SRGAP2: variants seen among roughly 807,000 people sequenced by gnomAD.
SRGAP2 encodes SLIT-ROBO Rho GTPase-activating protein 2.
A neutral mutation model predicts 57.2 loss-of-function variants in SRGAP2; 15 were observed. The observed-to-expected ratio is 0.26, with a 90% CI of 0.18 to 0.40. The LOEUF (loss-of-function observed/expected upper bound fraction) is 0.40. Ranked by LOEUF, SRGAP2 falls within the 10% of genes least tolerant of loss-of-function variation. SRGAP2 has a pLI of 1.00. For missense variants in SRGAP2, 520 were observed against 669.6 expected, an observed-to-expected ratio of 0.78 and a Z score of 2.47; for synonymous variants, 249 against 248.0, an observed-to-expected ratio of 1.00 and a Z score of -0.04.
chr1:206,427,276 C>G (rs1317283214), intron 13 of SRGAP2, among the ~76,000 whole-genome samples: 1 of 152,108 alleles, frequency 6.6e-6, no homozygotes, highest in African/African-American at 2.4e-5. Context: ...CATAGTGGAA[C>G]CCAGTTTCTT....
intron 10 of SRGAP2, among the ~76,000 whole-genome samples, chr1:206,414,029 C>CTTTTTTTTTTTTTTTTTT (rs201058533): frequency 1.4e-5 from 2 of 145,152 alleles, no homozygotes; most frequent in African/African-American, 2.7e-5. Flanking sequence ...TTTTCTTTTT[C>CTTTTTTTTTTTTTTTTTT]TTTCTTTTTT....
chr1:206,418,889 TG>T (rs1660017897), intron 11 of SRGAP2, among the ~76,000 whole-genome samples: 1 of 14,308 alleles, frequency 7.0e-5, no homozygotes, highest in Admixed American at 6.9e-4. Context: ...CAACTCTCTC[TG>T]TGTGTGTGTG....
At chr1:206,237,585 T>C (rs368560757) in intron 2 of SRGAP2, among the ~76,000 whole-genome samples, 2 of 152,296 alleles carry the variant, frequency 1.3e-5, no homozygotes, top group South Asian at 2.1e-4. Flanking sequence ...CAACTTGCCT[T>C]CAAATTTCTT....
chr1:206,324,911 A>C (rs1673759803), intron 3 of SRGAP2, among the ~76,000 whole-genome samples: 2 of 151,502 alleles, frequency 1.3e-5, no homozygotes, highest in African/African-American at 4.9e-5. Flanking sequence ...CTGTGAACAG[A>C]CATTGTAGGA....
At chr1:206,372,947 CTTTCTTTCT>C (rs1238757017) in intron 4 of SRGAP2, among the ~76,000 whole-genome samples, 450 of 10,980 alleles carry the variant, frequency 0.041, 75 homozygotes, top group East Asian at 0.17. Context: ...TTCTTTCTTT[CTTTCTTTCT>C]TTTCTTTCCT....
At chr1:206,304,233 C>G (rs1432334759) in intron 3 of SRGAP2, among the ~76,000 whole-genome samples, 10 of 143,688 alleles carry the variant, frequency 7.0e-5, no homozygotes, top group Non-Finnish European at 1.2e-4. Flanking sequence ...TCAACCCTGG[C>G]TGCATATTAG....
chr1:206,256,954 CA>C (rs1553312517), intron 2 of SRGAP2, among the ~76,000 whole-genome samples: 1 of 137,712 alleles, frequency 7.3e-6, no homozygotes, highest in East Asian at 2.2e-4. Context: ...GGAACACCAA[CA>C]ATGTGCCTGG....
chr1:206,340,562 G>GT (rs1675109170), intron 3 of SRGAP2, among the ~76,000 whole-genome samples: 2 of 152,100 alleles, frequency 1.3e-5, no homozygotes, highest in African/African-American at 4.8e-5. Context: ...ATTGAAACCA[G>GT]TTGTCAATGT....
At position 206,453,246 on chromosome 1, in the gene SRGAP2, G is replaced by C; in HGVS notation, c.2226G>C (p.Arg742=). 3.0e-6 allele frequency: 2 copies of C among 669,870 alleles called. No homozygotes were observed. Among genetic ancestry groups the C allele is most frequent in the Non-Finnish European group, 5.6e-6 (2 of 357,628 alleles). 41.5% of individuals were successfully genotyped at this position (669,870 alleles called of 1,614,324 possible). ...TTGCCAAGTTTGACTACGTGGGCCG[G>C]ACAGCCCGAGAGCTATCCTTTAAGA... ...EAIAKFDYVG[R]TARELSFKKG... is the part of the protein sequence containing the mutation. The change falls in exon 20 of 23, where the codon CGG becomes CGC. Residue 742 remains arginine (R), a synonymous_variant. Coordinates refer to ENST00000573034, the MANE Select transcript of SRGAP2 (RefSeq NM_015326.5).
chr1:206,320,109 CAT>C, intron 3 of SRGAP2, among the ~76,000 whole-genome samples: 1 of 89,218 alleles, frequency 1.1e-5, no homozygotes, highest in South Asian at 4.2e-4. Flanking sequence ...GCGCCCGGCC[CAT>C]CTTTGTACTA....
intron 7 of SRGAP2, among the ~76,000 whole-genome samples, chr1:206,399,154 T>C (rs1354172722): frequency 6.6e-6 from 1 of 152,144 alleles, no homozygotes; most frequent in African/African-American, 2.4e-5. Flanking sequence ...GAGTATTTCA[T>C]TGGATTAGAG....
chr1:206,383,293 G>A (rs142827376), intron 4 of SRGAP2, among the ~76,000 whole-genome samples: 4,850 of 151,360 alleles, frequency 0.032, 90 homozygotes, highest in Admixed American at 0.049. Flanking sequence ...TCAAAGTGCC[G>A]GGATTACAGG....
At chr1:206,303,914 ACACACT>A (rs1400787867) in intron 3 of SRGAP2, among the ~76,000 whole-genome samples, 176 of 146,888 alleles carry the variant, frequency 1.2e-3, no homozygotes, top group Admixed American at 3.9e-3. Flanking sequence ...ACACACACAC[ACACACT>A]CACACTCACA....
intron 8 of SRGAP2, among the ~76,000 whole-genome samples, chr1:206,402,088 G>C (rs1255368509): frequency 1.3e-5 from 2 of 151,862 alleles, no homozygotes; most frequent in African/African-American, 4.8e-5. Flanking sequence ...CCACATCCTA[G>C]AGGCTTTAGT....
At chr1:206,321,273 T>G (rs1243410091) in intron 3 of SRGAP2, among the ~76,000 whole-genome samples, 2 of 131,448 alleles carry the variant, frequency 1.5e-5, no homozygotes, top group Admixed American at 7.5e-5. Flanking sequence ...CCATAAAATG[T>G]AATGTCACGT....
Position 206,359,798 on chromosome 1 carries a change from CTTTTTTTTTTTTTTTTT to C in SRGAP2, c.423+16800_423+16816del, listed in dbSNP as rs1166916482. ...AGGATGGGGTACAAGGGATATTGCT[CTTTTTTTTTTTTTTTTT>C]TTTTTTTTTGAGACGGAGTCTCGCT... is the stretch of plus-strand genomic sequence containing the variant. On this transcript the variant is annotated intron_variant, in intron 4 of 22. Coordinates refer to ENST00000573034, the MANE Select transcript of SRGAP2 (RefSeq NM_015326.5). Among the ~76,000 whole-genome samples the C allele has an allele frequency of 4.3e-5, 3 of 70,228 alleles. No homozygotes were observed. In the East Asian group the frequency reaches 1.5e-3, roughly 34 times the overall value. 46.1% of individuals were successfully genotyped at this position (70,228 alleles called of 152,430 possible).
At chr1:206,437,200 A>G (rs1363280264) in intron 15 of SRGAP2, among the ~76,000 whole-genome samples, 158 bp downstream of exon 15, 1 of 152,190 alleles carries the variant, frequency 6.6e-6, no homozygotes, top group African/African-American at 2.4e-5. Flanking sequence ...CCCTGTAGAT[A>G]TGCAGAGAAA....
chr1:206,230,129 G>A (rs374978055), intron 2 of SRGAP2, among the ~76,000 whole-genome samples: 1 of 152,138 alleles, frequency 6.6e-6, no homozygotes, highest in African/African-American at 2.4e-5. Context: ...ATCAATTGCC[G>A]TGCAGATTGA....
Position 206,259,455 on chromosome 1 carries a change from GCCT to G in SRGAP2, c.68-43823_68-43821del, listed in dbSNP as rs543993777. Reference sequence around the variant, plus strand: ...GGGCTCGAGTGATCCTCCCACCTCAGCCTCCCAAGTAACTGGGACCACAGGTGC... The same window carrying G: ...GGGCTCGAGTGATCCTCCCACCTCAGCCCAAGTAACTGGGACCACAGGTGC... On this transcript the variant is annotated intron_variant, in intron 2 of 22. Transcript: ENST00000573034. 9.2e-3 allele frequency among the ~76,000 whole-genome samples: 1,392 copies of G among 151,212 alleles called. 26 individuals are homozygous for G. The highest frequency in any genetic ancestry group is 0.032 in the African/African-American group (1,329 of 41,064).
Sources: gnomAD v4.1 joint callset for allele counts (sites outside exome capture counted in the v4.1 genomes callset) on GRCh38, gnomAD v4.1.1 for gene constraint, MANE v1.5 for transcripts, NCBI Gene and HGNC (gene_info 2026-07-23, HGNC 2026-07-21) for gene names.